SLC22A25: variants seen among roughly 807,000 people sequenced by gnomAD.
The protein encoded by SLC22A25 is MGI:2442751, MGI:2385316, MGI:3042283, MGI:3645714, MGI:3605624, MGI:2442750.
A neutral mutation model predicts 45.9 loss-of-function variants in SLC22A25; 44 were observed. The ratio of observed to expected loss-of-function variants is 0.96; its 90% confidence interval spans 0.75 to 1.23. The LOEUF (loss-of-function observed/expected upper bound fraction) is 1.23. Among genes scored for constraint, SLC22A25 ranks in the 50% most tolerant of loss-of-function variants. The probability of loss-of-function intolerance (pLI) is 0.00; values close to 1 mark genes in which losing one functional copy is unlikely to be tolerated. For synonymous variants in SLC22A25, 283 were observed against 238.6 expected, an observed-to-expected ratio of 1.19 and a Z score of -1.72; for missense variants, 800 against 666.4, an observed-to-expected ratio of 1.20 and a Z score of -2.21.
rs186176429 is a variant in SLC22A25 at position 63,164,355 on chromosome 11, C to T, written c.1394+171G>A. 2.0e-3 allele frequency among the ~76,000 whole-genome samples: 300 copies of T among 152,310 alleles called. 3 individuals are homozygous for T. Among genetic ancestry groups the T allele is most frequent in the African/African-American group, 5.4e-3 (224 of 41,566 alleles). ...TGCATTAAAAGACTTAATGCAGCGTCTGGAACAAAGTCAGCTTGATATAAA... is the reference window on the plus strand; with the variant it reads ...TGCATTAAAAGACTTAATGCAGCGTTTGGAACAAAGTCAGCTTGATATAAA... On this transcript the variant is annotated intron_variant, in intron 11 of 11. Coordinates refer to ENST00000306494, the MANE Select transcript of SLC22A25 (RefSeq NM_199352.6).
chr11:63,243,059 G>A, intron 1 of SLC22A25: 1 of 155,990 alleles, frequency 6.4e-6, no homozygotes, highest in Non-Finnish European at 1.4e-5. Flanking sequence ...GAGAAAGCAG[G>A]GGAGTGAGGG....
intron 7 of SLC22A25, among the ~76,000 whole-genome samples, chr11:63,197,418 G>A (rs7925045): frequency 0.62 from 94,645 of 151,976 alleles, 29,692 homozygotes; most frequent in African/African-American, 0.67. Flanking sequence ...ATATAGACCA[G>A]TGGAACAGAA....
chr11:63,174,173 G>A (rs901356360), intron 9 of SLC22A25, among the ~76,000 whole-genome samples: 14 of 152,122 alleles, frequency 9.2e-5, no homozygotes, highest in Admixed American at 3.3e-4. Flanking sequence ...GATCTTGTGA[G>A]TTTGCTGAGA....
intron 3 of SLC22A25, among the ~76,000 whole-genome samples, chr11:63,234,236 G>A (rs910567811): frequency 2.0e-5 from 3 of 152,180 alleles, no homozygotes; most frequent in Non-Finnish European, 2.9e-5. Context: ...TGACAGTGGG[G>A]TGTTAAAGTC....
rs371066732 is a variant in SLC22A25, at chr11:63,207,781, T to C, written c.830+9533A>G. The stretch of plus-strand genomic sequence containing the variant: ...TCTAGATGTGTAGCTGCAAGGTCAC[T>C]AGACAGATAAACTCAAGTCGTAAAA... On this transcript the variant is annotated intron_variant, in intron 7 of 11. Transcript: ENST00000306494. 5.3e-5 allele frequency among the ~76,000 whole-genome samples: 8 copies of C among 152,348 alleles called. No individual in the cohort carries two copies. In the East Asian group the frequency reaches 1.5e-3, roughly 29 times the overall value.
rs1337737073 is a variant in SLC22A25, at chr11:63,241,920, A to C, written c.-996+1514T>G. The stretch of plus-strand genomic sequence containing the variant: ...TGTAGCCCAGACAAAAAGCTCTCTA[A>C]AGATGGTTAAGGATATTACATTCAA... On this transcript the variant is annotated intron_variant, in intron 1 of 11. Transcript: ENST00000306494. Among the ~76,000 whole-genome samples, 3 of 152,178 alleles carry C rather than the reference A, an allele frequency of 2.0e-5. No individual in the cohort carries two copies. The East Asian group carries it at 5.8e-4, about 29-fold the overall frequency.
At chr11:63,237,112 T>G (rs2090177946) in intron 3 of SLC22A25, among the ~76,000 whole-genome samples, 1 of 152,226 alleles carries the variant, frequency 6.6e-6, no homozygotes, top group South Asian at 2.1e-4. Flanking sequence ...ATATTGCATG[T>G]TCTTACTTGT....
At chr11:63,197,064 T>C (rs80151177) in intron 7 of SLC22A25, among the ~76,000 whole-genome samples, 33,505 of 151,974 alleles carry the variant, frequency 0.22, 4,578 homozygotes, top group East Asian at 0.41. Context: ...TGAAGGACCT[T>C]TTCAAGGAGA....
intron 7 of SLC22A25, among the ~76,000 whole-genome samples, chr11:63,188,818 A>G (rs991099579): frequency 2.6e-5 from 4 of 152,218 alleles, no homozygotes; most frequent in Non-Finnish European, 5.9e-5. Flanking sequence ...GTAGTCATTC[A>G]AAAGCAGGTT....
rs1196109893 is a variant in SLC22A25 at position 63,195,987 on chromosome 11, A to G, written c.831-12170T>C. 1.3e-5 allele frequency among the ~76,000 whole-genome samples: 2 copies of G among 152,250 alleles called. 1 individual carries two copies. Among genetic ancestry groups the G allele is most frequent in the Middle Eastern group, 6.3e-3 (2 of 316 alleles). ...ATACTATAAACACCTCTATGCAAATAAACTAGAAAATCTAGAAGAAATGGA... is the reference window on the plus strand; with the variant it reads ...ATACTATAAACACCTCTATGCAAATGAACTAGAAAATCTAGAAGAAATGGA... On this transcript the variant is annotated intron_variant, in intron 7 of 11. Coordinates refer to ENST00000306494, the MANE Select transcript of SLC22A25 (RefSeq NM_199352.6).
Position 63,212,523 on chromosome 11 carries a change from T to C in SLC22A25, c.830+4791A>G, listed in dbSNP as rs1394577734. ...TGAGTTCATGTCCTTTGTAGGGACATGGATGAAACTGGAAACCATCATTCT... is the reference window on the plus strand; with the variant it reads ...TGAGTTCATGTCCTTTGTAGGGACACGGATGAAACTGGAAACCATCATTCT... On this transcript the variant is annotated intron_variant, in intron 7 of 11. Coordinates refer to ENST00000306494, the MANE Select transcript of SLC22A25 (RefSeq NM_199352.6). Among the ~76,000 whole-genome samples, 3 of 151,984 alleles carry C rather than the reference T, an allele frequency of 2.0e-5. No individual in the cohort carries two copies. The South Asian group carries it at 6.3e-4, about 32-fold the overall frequency.
At chr11:63,201,666 A>T (rs117755307) in intron 7 of SLC22A25, among the ~76,000 whole-genome samples, 3,317 of 152,320 alleles carry the variant, frequency 0.022, 61 homozygotes, top group Middle Eastern at 0.075. Flanking sequence ...ATGGCATCTA[A>T]CTAAACTAAA....
chr11:63,190,120 G>C (rs1057256319), intron 7 of SLC22A25, among the ~76,000 whole-genome samples: 20 of 152,282 alleles, frequency 1.3e-4, no homozygotes, highest in African/African-American at 4.3e-4. Flanking sequence ...AGTTCTCCTG[G>C]ATAATATCCT....
chr11:63,192,246 A>G (rs966881470), intron 7 of SLC22A25, among the ~76,000 whole-genome samples: 1 of 152,220 alleles, frequency 6.6e-6, no homozygotes, highest in Admixed American at 6.5e-5. Context: ...TAAGCTTCAG[A>G]AATGAAGGAG....
chr11:63,177,629 C>G (rs890642278), intron 9 of SLC22A25, among the ~76,000 whole-genome samples: 2 of 151,594 alleles, frequency 1.3e-5, no homozygotes, highest in Non-Finnish European at 1.5e-5. Context: ...TTTTTTAGCT[C>G]TCACATATGA....
intron 7 of SLC22A25, among the ~76,000 whole-genome samples, chr11:63,206,394 C>T (rs1381169021): frequency 6.6e-6 from 1 of 152,230 alleles, no homozygotes; most frequent in Non-Finnish European, 1.5e-5. Context: ...ACCCCATTGT[C>T]TCAGTCCAAA....
chr11:63,196,758 C>A (rs546312869), intron 7 of SLC22A25, among the ~76,000 whole-genome samples: 51 of 152,140 alleles, frequency 3.4e-4, no homozygotes, highest in Non-Finnish European at 6.0e-4. Context: ...CTGGCCAGGG[C>A]AATCAGGTAG....
chr11:63,172,547 C>G (rs1008810826), intron 9 of SLC22A25, among the ~76,000 whole-genome samples: 2 of 152,074 alleles, frequency 1.3e-5, no homozygotes, highest in Admixed American at 1.3e-4. Flanking sequence ...AGCTCATCAT[C>G]ACTGGTCATC....
At chr11:63,182,197 C>T (rs1296220948) in intron 8 of SLC22A25, among the ~76,000 whole-genome samples, 1 of 152,038 alleles carries the variant, frequency 6.6e-6, no homozygotes, top group Non-Finnish European at 1.5e-5. Context: ...CATCCTAAAC[C>T]AATTGCTCTT....
Sources: gnomAD v4.1 joint callset for allele counts (sites outside exome capture counted in the v4.1 genomes callset) on GRCh38, gnomAD v4.1.1 for gene constraint, MANE v1.5 for transcripts, NCBI Gene and HGNC (gene_info 2026-07-23, HGNC 2026-07-21) for gene names.